Variants in OR7C1 observed in about 807,000 individuals in gnomAD.
OR7C1 encodes the protein olfactory receptor 7C1.
For synonymous variants in OR7C1, 152 were observed against 160.7 expected, an observed-to-expected ratio of 0.95 and a Z score of 0.41; for missense variants, 324 against 383.3, an observed-to-expected ratio of 0.85 and a Z score of 1.29.
chr19:14,806,081 T>C (rs562569937), intron 2 of OR7C1, among the ~76,000 whole-genome samples: 2 of 152,076 alleles, frequency 1.3e-5, no homozygotes, highest in East Asian at 3.9e-4. Flanking sequence ...CTAAATGTTC[T>C]TGTCACTCAA....
chr19:14,833,667 T>C (rs543572769), intron 1 of OR7C1, among the ~76,000 whole-genome samples: 2 of 152,264 alleles, frequency 1.3e-5, no homozygotes, highest in Admixed American at 1.3e-4. Flanking sequence ...AAAAGAATCA[T>C]TGAAAAAAAT....
exon 5 of OR7C1, chr19:14,799,562 G>T: frequency 1.2e-6 from 2 of 1,614,158 alleles, no homozygotes; most frequent in Non-Finnish European, 1.7e-6. Context: ...ATTAATGAAG[G>T]TGTCAGAACA....
At chr19:14,824,542 C>A (rs1233001122) in intron 1 of OR7C1, 1 of 152,164 alleles carries the variant, frequency 6.6e-6, no homozygotes, top group African/African-American at 2.4e-5. Context: ...CATGTAGCTA[C>A]AAAGGACATG....
chr19:14,802,772 A>G (rs1319247376), intron 2 of OR7C1, among the ~76,000 whole-genome samples: 1 of 152,166 alleles, frequency 6.6e-6, no homozygotes, highest in African/African-American at 2.4e-5. Context: ...TTTCTCACGT[A>G]TTCCTGGGAA....
intron 2 of OR7C1, among the ~76,000 whole-genome samples, chr19:14,803,425 C>T (rs1213933753): frequency 2.0e-5 from 3 of 151,592 alleles, no homozygotes; most frequent in Admixed American, 6.6e-5. Context: ...CTTTGCGGGT[C>T]GCTGCCATGT....
At chr19:14,821,008 C>A (rs955465579) in intron 1 of OR7C1, among the ~76,000 whole-genome samples, 1 of 152,146 alleles carries the variant, frequency 6.6e-6, no homozygotes, top group African/African-American at 2.4e-5. Context: ...AATCCCAGCA[C>A]TTTGGGAGGC....
intron 1 of OR7C1, among the ~76,000 whole-genome samples, chr19:14,832,896 A>C (rs1173995887): frequency 6.6e-6 from 1 of 152,246 alleles, no homozygotes; most frequent in Non-Finnish European, 1.5e-5. Context: ...TAATTTAATC[A>C]TATCAACATA....
At chr19:14,821,408 A>C (rs894857930) in intron 1 of OR7C1, 1 of 152,238 alleles carries the variant, frequency 6.6e-6, no homozygotes, top group African/African-American at 2.4e-5. Flanking sequence ...TGTCAGTTCT[A>C]CGCTGGCTAC....
At chr19:14,818,463 A>G (rs183074339) in intron 1 of OR7C1, among the ~76,000 whole-genome samples, 1 of 152,294 alleles carries the variant, frequency 6.6e-6, no homozygotes, top group Admixed American at 6.5e-5. Context: ...TGTTTATTTA[A>G]TAAGTGAAAA....
chr19:14,827,402 C>G (rs2044779152), intron 1 of OR7C1: 2 of 1,613,984 alleles, frequency 1.2e-6, no homozygotes, highest in East Asian at 4.5e-5. Context: ...TGGGGGTGAC[C>G]ACAGTGTACA....
At chr19:14,823,516 G>C (rs1022710789) in intron 1 of OR7C1, among the ~76,000 whole-genome samples, 1 of 152,096 alleles carries the variant, frequency 6.6e-6, no homozygotes, top group South Asian at 2.1e-4. Flanking sequence ...TTGTTACATG[G>C]GTATTTTGCC....
exon 5 of OR7C1, chr19:14,799,279 G>A: frequency 6.2e-7 from 1 of 1,614,158 alleles, no homozygotes; most frequent in Middle Eastern, 1.6e-4. Context: ...AGATGAAGGG[G>A]TTCAGCATGG....
intron 1 of OR7C1, among the ~76,000 whole-genome samples, chr19:14,823,244 A>G (rs2044749508): frequency 6.6e-6 from 1 of 152,152 alleles, no homozygotes; most frequent in South Asian, 2.1e-4. Context: ...CTTGAGGTCT[A>G]GAGTTCGAGA....
In OR7C1 at chr19:14,811,944, C is replaced by T. The variant is rs373963798; in HGVS notation, c.-622-1951G>A. ...CTGTGGACCAGTACTGGTCTGTGGC[C>T]CAGGGGTTGGGGACCCCTGCACTAA... On this transcript the variant is annotated intron_variant, in intron 1 of 4. Coordinates refer to ENST00000641666, the Ensembl canonical transcript of OR7C1. Among the ~76,000 whole-genome samples the T allele has an allele frequency of 1.5e-3, 221 of 151,916 alleles. 2 individuals carry two copies. In the South Asian group the frequency reaches 0.045, roughly 31 times the overall value.
chr19:14,818,506 C>T (rs1309682391), intron 1 of OR7C1, among the ~76,000 whole-genome samples: 1 of 152,182 alleles, frequency 6.6e-6, no homozygotes, highest in African/African-American at 2.4e-5. Context: ...TTTGCAATTA[C>T]TTCCTTACTT....
chr19:14,799,414 A>G, exon 5 of OR7C1: 1 of 1,614,236 alleles, frequency 6.2e-7, no homozygotes, highest in Middle Eastern at 1.6e-4. Context: ...GGTGGGAACC[A>G]CAGGTGGAAA....
rs143005139 is a variant in OR7C1, at chr19:14,806,445, G to A, written c.-435+3361C>T. Among the ~76,000 whole-genome samples the A allele has an allele frequency of 8.6e-5, 13 of 152,034 alleles. 1 individual carries two copies. The East Asian group carries it at 2.5e-3, about 29-fold the overall frequency. ...ATGCAGATTTGTTACACAGGTAAAT[G>A]TGTGCCATGGTGGTTTGCTGCACCT... On this transcript the variant is annotated intron_variant, in intron 2 of 4. Transcript: ENST00000641666.
At chr19:14,819,185 G>C (rs963579632) in intron 1 of OR7C1, among the ~76,000 whole-genome samples, 8 of 151,594 alleles carry the variant, frequency 5.3e-5, no homozygotes, top group African/African-American at 1.9e-4. Flanking sequence ...TTAATTTCGG[G>C]GGTACATGTG....
At chr19:14,821,407 T>C (rs1056307172) in intron 1 of OR7C1, 1 of 152,252 alleles carries the variant, frequency 6.6e-6, no homozygotes, top group Non-Finnish European at 1.5e-5. Flanking sequence ...ATGTCAGTTC[T>C]ACGCTGGCTA....
Sources: allele counts gnomAD v4.1 joint callset (sites outside exome capture counted in the v4.1 genomes callset), GRCh38; gene constraint gnomAD v4.1.1; transcripts MANE v1.5; gene names NCBI Gene and HGNC (gene_info 2026-07-23, HGNC 2026-07-21).